Variants in PDE9A observed in about 807,000 individuals in gnomAD.
PDE9A encodes the protein phosphodiesterase 9A.
A neutral mutation model predicts 87.4 loss-of-function variants in PDE9A; 60 were observed. That is an observed-to-expected ratio of 0.69 (90% CI 0.56 to 0.85). The LOEUF is 0.85. Among genes scored for constraint, PDE9A ranks in the 40% least tolerant of loss-of-function variants. The pLI, the probability that PDE9A is intolerant of heterozygous loss-of-function variation, is 0.00. For synonymous variants in PDE9A, 272 were observed against 279.4 expected, an observed-to-expected ratio of 0.97 and a Z score of 0.27; for missense variants, 665 against 779.0, an observed-to-expected ratio of 0.85 and a Z score of 1.74.
chr21:42,697,667 C>G (rs1402015756), intron 3 of PDE9A, among the ~76,000 whole-genome samples: 1 of 152,210 alleles, frequency 6.6e-6, no homozygotes, highest in Admixed American at 6.5e-5. Context: ...GGCTTGCATA[C>G]AGCTGCCTTC....
rs572698850 is a variant in PDE9A at position 42,690,041 on chromosome 21, A to G, written c.218+2047A>G. 157 of 984,400 alleles carry G rather than the reference A, an allele frequency of 1.6e-4. 2 individuals carry two copies. Among genetic ancestry groups the G allele is most frequent in the Admixed American group, 6.2e-4 (10 of 16,198 alleles). The allele number at this position is 984,400 out of a possible 1,614,324, so 61.0% of individuals were successfully genotyped here. A position where few individuals can be genotyped will look rare whatever the true frequency, so the allele number is the denominator to read the frequency against. On this transcript the variant is annotated intron_variant, in intron 3 of 19. Coordinates refer to ENST00000291539, the MANE Select transcript of PDE9A (RefSeq NM_002606.3). ...GTGAAGAAGGTGGAGACAGACGCGG[A>G]TGAGGATACAGATGGAGAAGATGGA...
intron 4 of PDE9A, among the ~76,000 whole-genome samples, chr21:42,729,137 C>A (rs1309497188): frequency 1.3e-5 from 2 of 151,948 alleles, no homozygotes; most frequent in African/African-American, 4.8e-5. Flanking sequence ...CTGGACATTT[C>A]GTTTTGGGGA....
chr21:42,736,920 T>C (rs916024102), intron 7 of PDE9A, among the ~76,000 whole-genome samples: 6 of 152,222 alleles, frequency 3.9e-5, no homozygotes, highest in Non-Finnish European at 8.8e-5. Context: ...GCCAGGATGC[T>C]GCACCTGTGC....
At chr21:42,667,628 G>A (rs2058095479) in intron 1 of PDE9A, among the ~76,000 whole-genome samples, 1 of 152,130 alleles carries the variant, frequency 6.6e-6, no homozygotes, top group African/African-American at 2.4e-5. Flanking sequence ...GGAGTTGCAG[G>A]TTTTTGGGTT....
Position 42,712,691 on chromosome 21 carries a change from A to C in PDE9A, c.262+13680A>C, listed in dbSNP as rs377428897. On this transcript the variant is annotated intron_variant, in intron 4 of 19. Coordinates refer to ENST00000291539, the MANE Select transcript of PDE9A (RefSeq NM_002606.3). ...TCATAAGGTTGGAAGTCCCCGTCTA[A>C]TGTTAGTTTTCTGAGAGTTTTTTGT... Among the ~76,000 whole-genome samples, 19 of 152,280 alleles carry C rather than the reference A, an allele frequency of 1.2e-4. No individual in the cohort carries two copies. The South Asian group carries it at 1.9e-3, about 15-fold the overall frequency.
chr21:42,720,264 C>A (rs929846777), intron 4 of PDE9A, among the ~76,000 whole-genome samples: 17 of 151,882 alleles, frequency 1.1e-4, no homozygotes, highest in Admixed American at 1.1e-3. Flanking sequence ...GAGGCCAAGG[C>A]GGGCGGATCA....
At chr21:42,676,492 G>T (rs150655030) in intron 1 of PDE9A, among the ~76,000 whole-genome samples, 1 of 152,088 alleles carries the variant, frequency 6.6e-6, no homozygotes, top group Non-Finnish European at 1.5e-5. Context: ...CTTCAATTCC[G>T]TCATTTCAAG....
chr21:42,747,911 A>G (rs1569240525), intron 8 of PDE9A, among the ~76,000 whole-genome samples: 1 of 152,198 alleles, frequency 6.6e-6, no homozygotes, highest in African/African-American at 2.4e-5. Context: ...TCCAAATAGG[A>G]TGAAAAGAAA....
At chr21:42,773,743 G>A (rs549176749) in intron 19 of PDE9A, among the ~76,000 whole-genome samples, 9 of 150,040 alleles carry the variant, frequency 6.0e-5, no homozygotes, top group East Asian at 2.0e-4. Context: ...GGAGATTGCC[G>A]TGAGCCAAGA....
intron 4 of PDE9A, among the ~76,000 whole-genome samples, chr21:42,717,900 GGTTT>G (rs113315019): frequency 1.1e-4 from 16 of 150,790 alleles, no homozygotes; most frequent in East Asian, 1.9e-4. Context: ...CTTTCTTTGG[GGTTT>G]GTTTGTTTGT....
Position 42,721,215 on chromosome 21 carries a change from A to C in PDE9A, c.263-10555A>C, listed in dbSNP as rs75951765. ...GGAAGAGAGGAGGGCAGGGGGAGAA[A>C]TTGCACCCAGTCAAATGTAAACGAT... On this transcript the variant is annotated intron_variant, in intron 4 of 19. Coordinates refer to ENST00000291539, the MANE Select transcript of PDE9A (RefSeq NM_002606.3). 3.7e-3 allele frequency among the ~76,000 whole-genome samples: 568 copies of C among 152,228 alleles called. 1 individual carries two copies. The highest frequency in any genetic ancestry group is 0.013 in the African/African-American group (540 of 41,554).
rs575545539 is a variant in PDE9A at position 42,731,623 on chromosome 21, G to A, written c.263-147G>A. On this transcript the variant is annotated intron_variant, in intron 4 of 19. Coordinates refer to ENST00000291539, the MANE Select transcript of PDE9A (RefSeq NM_002606.3). ...GGCTGGACCCAGGCCTGCCTCCCCC[G>A]TGCAGACCCGCCGTGAGAACACCGT... 192 of 800,338 alleles carry A rather than the reference G, an allele frequency of 2.4e-4. 1 individual carries two copies. Among genetic ancestry groups the A allele is most frequent in the Middle Eastern group, 7.7e-4 (2 of 2,600 alleles). 49.6% of individuals were successfully genotyped at this position (800,338 alleles called of 1,614,324 possible).
chr21:42,760,191 G>C lies in PDE9A; in HGVS notation c.898-137G>C. The C allele has an allele frequency of 1.6e-6, 1 of 641,722 alleles. No homozygotes were observed. The highest frequency in any genetic ancestry group is 2.9e-6 in the Non-Finnish European group (1 of 350,266). 39.8% of individuals were successfully genotyped at this position (641,722 alleles called of 1,614,324 possible). A position where few individuals can be genotyped will look rare whatever the true frequency, so the allele number is the denominator to read the frequency against. On this transcript the variant is annotated intron_variant, in intron 11 of 19. Coordinates refer to ENST00000291539, the MANE Select transcript of PDE9A (RefSeq NM_002606.3). The surrounding 1 kb of genome is among the most constrained non-coding windows in gnomAD (Gnocchi z 5.2). ...CCTCATTGGTACCTGTGGTAAACCT[G>C]GAACACTGTTGACCTCTGGTTGGGA...
rs560278628 is a variant in PDE9A at position 42,696,882 on chromosome 21, T to C, written c.219-2086T>C. Among the ~76,000 whole-genome samples the C allele has an allele frequency of 6.6e-6, 1 of 152,176 alleles. No individual in the cohort carries two copies. Among genetic ancestry groups the C allele is most frequent in the East Asian group, 1.9e-4 (1 of 5,156 alleles). ...TAGTCCCGATGACGACCGAGTGCCC[T>C]CTCCACCTGGGGAGCTTGGAGGACT... On this transcript the variant is annotated intron_variant, in intron 3 of 19. Transcript: ENST00000291539. This position sits in a 1 kb window ranked among gnomAD's most constrained non-coding sequence, Gnocchi z 5.1.
rs1047702427 is a variant in PDE9A, at chr21:42,658,076, C to T, written c.69+4193C>T. ...GCTACGCCACACCTACGCTTGCCTC[C>T]ACCCGACCTATGCCTGCCCCCTTCA... On this transcript the variant is annotated intron_variant, in intron 1 of 19. Coordinates refer to ENST00000291539, the MANE Select transcript of PDE9A (RefSeq NM_002606.3). Among the ~76,000 whole-genome samples the T allele has an allele frequency of 2.6e-5, 4 of 152,234 alleles. No individual in the cohort carries two copies. The East Asian group carries it at 7.7e-4, about 29-fold the overall frequency.
At chr21:42,685,055 G>A (rs971953786) in intron 1 of PDE9A, among the ~76,000 whole-genome samples, 3 of 152,200 alleles carry the variant, frequency 2.0e-5, no homozygotes, top group Non-Finnish European at 4.4e-5. Context: ...CCCCACACCG[G>A]GGACTTGTGC....
At chr21:42,670,206 C>G (rs1181441262) in intron 1 of PDE9A, among the ~76,000 whole-genome samples, 1 of 126,028 alleles carries the variant, frequency 7.9e-6, no homozygotes, top group African/African-American at 4.9e-5. Context: ...CACACACATA[C>G]ACTTACATTC....
At chr21:42,669,840 C>G (rs765956045) in intron 1 of PDE9A, among the ~76,000 whole-genome samples, 3 of 152,258 alleles carry the variant, frequency 2.0e-5, no homozygotes, top group African/African-American at 4.8e-5. Context: ...CCCACAGCCA[C>G]GGATAATGAG....
In PDE9A at chr21:42,759,634, A is replaced by T. The variant is rs1321415768; in HGVS notation, c.897+549A>T. On this transcript the variant is annotated intron_variant, in intron 11 of 19. Transcript: ENST00000291539. The surrounding 1 kb of genome is among the most constrained non-coding windows in gnomAD (Gnocchi z 7.2). ...TGGGAGTGTGTGGGGTGGGAGTAGGAGTGTGGAGGTGTGTCTGTGTGTGTC... is the reference window on the plus strand; with the variant it reads ...TGGGAGTGTGTGGGGTGGGAGTAGGTGTGTGGAGGTGTGTCTGTGTGTGTC... Among the ~76,000 whole-genome samples the T allele has an allele frequency of 6.9e-6, 1 of 144,472 alleles. No individual in the cohort carries two copies. Among genetic ancestry groups the T allele is most frequent in the South Asian group, 2.2e-4 (1 of 4,510 alleles). The allele number at this position is 144,472 out of a possible 152,430, so 94.8% of individuals were successfully genotyped here.
Sources: allele counts gnomAD v4.1 joint callset (sites outside exome capture counted in the v4.1 genomes callset), GRCh38; gene constraint gnomAD v4.1.1; non-coding constraint Gnocchi (gnomAD v3.1); transcripts MANE v1.5; gene names NCBI Gene and HGNC (gene_info 2026-07-23, HGNC 2026-07-21).